IFT88: variants seen among roughly 807,000 people sequenced by gnomAD.
The protein encoded by IFT88 is intraflagellar transport protein 88 homolog.
Under a neutral mutation model 119.5 loss-of-function variants are expected in IFT88, and 74 were observed. That is an observed-to-expected ratio of 0.62 (90% CI 0.51 to 0.75). The LOEUF is 0.75. Among genes scored for constraint, IFT88 ranks in the 30% least tolerant of loss-of-function variants. IFT88 has a pLI of 0.00. For missense variants in IFT88, 961 were observed against 977.7 expected (o/e 0.98, Z 0.23); for synonymous variants, 279 against 316.7 (o/e 0.88, Z 1.26).
rs2049930326 is a variant in IFT88 at position 20,641,349 on chromosome 13, C to A, written c.1633C>A (p.His545Asn). The change falls in exon 18 of 26, where the codon CAC (histidine) becomes AAC (asparagine). Residue 545 changes from histidine to asparagine, a missense_variant. His to Asn is a moderately conservative substitution (Grantham distance 68). Transcript: ENST00000351808. ...GGCTTTGGACTGTTTCCTGAAACTT[C>A]ACGCAATCCTACGAAACAGTGCCGA... ...DEALDCFLKL[H>N]AILRNSAEVL... 6.2e-7 allele frequency: 1 copy of A among 1,612,470 alleles called. No homozygotes were observed. The highest frequency in any genetic ancestry group is 8.5e-7 in the Non-Finnish European group (1 of 1,179,110).
chr13:20,637,931 G>A (rs2049274892), intron 16 of IFT88, among the ~76,000 whole-genome samples: 1 of 152,198 alleles, frequency 6.6e-6, no homozygotes, highest in Non-Finnish European at 1.5e-5. Context: ...ACAATGGATT[G>A]CTAGAAGTGC....
At chr13:20,590,912 C>A in intron 4 of IFT88, 55 bp from the exon 5 acceptor site, 1 of 1,269,268 alleles carries the variant, frequency 7.9e-7, no homozygotes, top group Non-Finnish European at 1.1e-6. Context: ...TTGGTTTAAA[C>A]ATTTAAGGCA....
intron 13 of IFT88, among the ~76,000 whole-genome samples, chr13:20,612,844 AAGG>A (rs1460816715): frequency 2.0e-5 from 3 of 152,348 alleles, no homozygotes; most frequent in African/African-American, 7.2e-5. Context: ...TAAGAGAAGA[AAGG>A]AGAGTCTTTT....
chr13:20,587,773 C>T (rs754743948), intron 3 of IFT88, among the ~76,000 whole-genome samples: 1 of 152,084 alleles, frequency 6.6e-6, no homozygotes, highest in Admixed American at 6.6e-5. Context: ...GTTGTTATAG[C>T]TATACAAGCT....
At chr13:20,568,109 C>T (rs2035308928) in intron 1 of IFT88, 3 of 663,982 alleles carry the variant, frequency 4.5e-6, no homozygotes, top group South Asian at 1.6e-5. Context: ...ACGTGCGGGC[C>T]GGGGTTGGAA....
chr13:20,663,955 A>G (rs1345156906), intron 23 of IFT88, among the ~76,000 whole-genome samples: 1 of 152,224 alleles, frequency 6.6e-6, no homozygotes. Flanking sequence ...TCTCTGCAAC[A>G]ATGGAATCTG....
intron 18 of IFT88, chr13:20,641,962 A>C (rs2140305875): frequency 6.6e-6 from 1 of 152,326 alleles, no homozygotes; most frequent in Non-Finnish European, 1.5e-5. Flanking sequence ...ATTATGTTTC[A>C]AACTCAGGGG....
chr13:20,638,717 A>G (rs892502509), intron 17 of IFT88, among the ~76,000 whole-genome samples, 199 bp downstream of exon 17: 2 of 152,196 alleles, frequency 1.3e-5, no homozygotes, highest in Non-Finnish European at 2.9e-5. Flanking sequence ...CACATGCAAA[A>G]TTTGGATCAG....
chr13:20,589,481 A>G (rs1276058151), intron 3 of IFT88, among the ~76,000 whole-genome samples: 3 of 152,296 alleles, frequency 2.0e-5, no homozygotes, highest in East Asian at 1.9e-4. Flanking sequence ...TCTTGTGTCT[A>G]TTGTTTGGCC....
intron 23 of IFT88, among the ~76,000 whole-genome samples, chr13:20,669,699 C>G (rs1412466308): frequency 6.6e-6 from 1 of 152,166 alleles, no homozygotes; most frequent in East Asian, 1.9e-4. Context: ...GCTAGGATTA[C>G]AGGCGTGAGC....
At chr13:20,602,262 T>A (rs983250844) in intron 12 of IFT88, among the ~76,000 whole-genome samples, 1 of 139,398 alleles carries the variant, frequency 7.2e-6, no homozygotes, top group South Asian at 2.2e-4. Context: ...TGGAGTGCAG[T>A]GGTGCAGTCT....
intron 2 of IFT88, among the ~76,000 whole-genome samples, chr13:20,575,704 C>T (rs573695141): frequency 1.1e-4 from 17 of 152,298 alleles, no homozygotes; most frequent in Middle Eastern, 3.4e-3. Flanking sequence ...GCCTGCAGAA[C>T]GATGAGCCAA....
chr13:20,661,207 G>A (rs187699297), intron 22 of IFT88, among the ~76,000 whole-genome samples: 45 of 152,292 alleles, frequency 3.0e-4, no homozygotes, highest in African/African-American at 1.0e-3. Context: ...ACTAGGGGAC[G>A]ATTGACATAA....
chr13:20,589,565 C>T (rs1248492540), intron 3 of IFT88, among the ~76,000 whole-genome samples: 3 of 152,162 alleles, frequency 2.0e-5, no homozygotes, highest in Non-Finnish European at 2.9e-5. Context: ...ACAAATCTTT[C>T]TTATCGGCAC....
chr13:20,619,047 G>A (rs2046098027), intron 14 of IFT88, among the ~76,000 whole-genome samples: 2 of 151,832 alleles, frequency 1.3e-5, no homozygotes, highest in Non-Finnish European at 2.9e-5. Flanking sequence ...TAGTTGAGAT[G>A]GGGTTTCACC....
At chr13:20,615,713 T>C (rs1253944151) in intron 13 of IFT88, 80 bp from the exon 14 acceptor site, 11 of 702,004 alleles carry the variant, frequency 1.6e-5, no homozygotes, top group Non-Finnish European at 2.1e-5. Flanking sequence ...TGATAGATAA[T>C]GTTTACACTT....
At chr13:20,616,164 TC>T (rs2139668383) in intron 14 of IFT88, among the ~76,000 whole-genome samples, 1 of 152,320 alleles carries the variant, frequency 6.6e-6, no homozygotes, top group East Asian at 1.9e-4. Flanking sequence ...GCTGAAAAAT[TC>T]CTATCACTAG....
chr13:20,632,650 C>T (rs181789561), intron 16 of IFT88, among the ~76,000 whole-genome samples: 42 of 152,316 alleles, frequency 2.8e-4, no homozygotes, highest in Non-Finnish European at 4.7e-4. Flanking sequence ...CTTCCTGACT[C>T]TCCTTGGCAG....
intron 13 of IFT88, among the ~76,000 whole-genome samples, chr13:20,611,625 G>T (rs1337376528): frequency 6.6e-6 from 1 of 150,834 alleles, no homozygotes; most frequent in Non-Finnish European, 1.5e-5. Context: ...TGTTTTCTGA[G>T]ATGGAATCTT....
Sources: allele counts gnomAD v4.1 joint callset (sites outside exome capture counted in the v4.1 genomes callset), GRCh38; gene constraint gnomAD v4.1.1; transcripts MANE v1.5; gene names NCBI Gene and HGNC (gene_info 2026-07-23, HGNC 2026-07-21).